The following MARCHF10 variants were observed in gnomAD, a reference collection of about 807,000 sequenced individuals.
MARCHF10 encodes probable E3 ubiquitin-protein ligase MARCHF10.
In MARCHF10, 64 loss-of-function variants were observed where a neutral mutation model predicts 76.2. The ratio of observed to expected loss-of-function variants is 0.84; its 90% CI spans 0.69 to 1.03. The LOEUF (loss-of-function observed/expected upper bound fraction) is 1.03. MARCHF10 is among the 50% of genes least tolerant of loss of function. The pLI is 0.00. For synonymous variants in MARCHF10, 340 were observed against 357.5 expected, an observed-to-expected ratio of 0.95 and a Z score of 0.55; for missense variants, 875 against 958.0, an observed-to-expected ratio of 0.91 and a Z score of 1.14.
intron 6 of MARCHF10, among the ~76,000 whole-genome samples, chr17:62,728,201 T>TC (rs1183704012): frequency 6.6e-6 from 1 of 151,694 alleles, no homozygotes; most frequent in Non-Finnish European, 1.5e-5. Context: ...ATTTTAATTT[T>TC]TTTTTTCTTA....
intron 8 of MARCHF10, among the ~76,000 whole-genome samples, chr17:62,718,923 G>C (rs1001007746): frequency 6.6e-6 from 1 of 151,512 alleles, no homozygotes; most frequent in African/African-American, 2.4e-5. Context: ...CTGTAATGCT[G>C]CTGTGGCATT....
At chr17:62,732,547 T>G (rs1037692509) in intron 6 of MARCHF10, among the ~76,000 whole-genome samples, 3 of 152,200 alleles carry the variant, frequency 2.0e-5, no homozygotes, top group Non-Finnish European at 4.4e-5. Context: ...CATCACAGAT[T>G]AAGAACCACT....
At chr17:62,734,458 C>A (rs72842199) in intron 6 of MARCHF10, among the ~76,000 whole-genome samples, 1 of 151,842 alleles carries the variant, frequency 6.6e-6, no homozygotes, top group East Asian at 1.9e-4. Context: ...CTGAAGTGTA[C>A]GTATGTCATG....
At chr17:62,758,465 T>C (rs2092108745) in intron 4 of MARCHF10, among the ~76,000 whole-genome samples, 1 of 152,206 alleles carries the variant, frequency 6.6e-6, no homozygotes, top group South Asian at 2.1e-4. Flanking sequence ...TTTTGAAATA[T>C]TGGTGGAATG....
In MARCHF10 at chr17:62,737,065, G is replaced by A. The variant is rs2091302367; in HGVS notation, c.803C>T (p.Ser268Leu). Residue 268 changes from serine (S) to leucine (L), a missense_variant, in exon 6 of 11, where the codon TCA becomes TTA. Physicochemically the swap from Ser to Leu is moderately radical, Grantham distance 145 (BLOSUM62 -2). Transcript: ENST00000311269. Reference protein sequence around the residue: ...PTTVGGPRKASFRFRDEDFYS... With the variant: ...PTTVGGPRKALFRFRDEDFYS... The stretch of plus-strand genomic sequence containing the variant: ...AAAGTCTTCATCTCGGAACCTAAAT[G>A]ATGCCTTTCTTGGCCCTCCTACAGT... 4.3e-6 allele frequency: 7 copies of A among 1,614,086 alleles called. No individual in the cohort carries two copies. Among genetic ancestry groups the A allele is most frequent in the Non-Finnish European group, 5.9e-6 (7 of 1,180,030 alleles).
Position 62,712,112 on chromosome 17 carries a change from C to G in MARCHF10, c.2215-768G>C, listed in dbSNP as rs1409002188. ...GACCTTTCACAGACCTTCCATAAAT[C>G]AGTGGTATTAGTAACAACTACTCCT... On this transcript the variant is annotated intron_variant, in intron 8 of 10. Coordinates refer to ENST00000311269, the MANE Select transcript of MARCHF10 (RefSeq NM_152598.4). This position sits in a 1 kb window ranked among gnomAD's most constrained non-coding sequence, Gnocchi z 4.2. Among the ~76,000 whole-genome samples, 1 of 152,178 alleles carries G rather than the reference C, an allele frequency of 6.6e-6. No homozygotes were observed. The highest frequency in any genetic ancestry group is 1.5e-5 in the Non-Finnish European group (1 of 68,034).
chr17:62,738,423 C>T lies in MARCHF10; in HGVS notation c.536-1091G>A, dbSNP rs2091378421. Among the ~76,000 whole-genome samples the T allele has an allele frequency of 6.6e-6, 1 of 152,300 alleles. No homozygotes were observed. The highest frequency in any genetic ancestry group is 1.5e-5 in the Non-Finnish European group (1 of 68,040). ...GGAAACTGACAGTACTTCTCTGATG[C>T]CACTTACCTTTATTCCCTCCTGACA... On this transcript the variant is annotated intron_variant, in intron 5 of 10. Coordinates refer to ENST00000311269, the MANE Select transcript of MARCHF10 (RefSeq NM_152598.4). This position sits in a 1 kb window ranked among gnomAD's most constrained non-coding sequence, Gnocchi z 4.0.
chr17:62,741,760 T>C (rs1252904930), intron 5 of MARCHF10, among the ~76,000 whole-genome samples: 1 of 152,170 alleles, frequency 6.6e-6, no homozygotes, highest in Non-Finnish European at 1.5e-5. Flanking sequence ...GCAGTGGTTA[T>C]CTTGGCTCAC....
intron 1 of MARCHF10, among the ~76,000 whole-genome samples, chr17:62,804,309 C>T (rs2093128265): frequency 6.6e-6 from 1 of 152,006 alleles, no homozygotes; most frequent in African/African-American, 2.4e-5. Context: ...CGGAGAGGTA[C>T]AGATTTGGGC....
intron 2 of MARCHF10, among the ~76,000 whole-genome samples, chr17:62,793,912 T>TCAC (rs375579362): frequency 4.0e-5 from 4 of 100,796 alleles, no homozygotes; most frequent in East Asian, 3.6e-4. Flanking sequence ...ACCTCCATCA[T>TCAC]CACCACCACC....
At chr17:62,702,934 CCT>C (rs1036747973) in intron 10 of MARCHF10, among the ~76,000 whole-genome samples, 36 of 152,324 alleles carry the variant, frequency 2.4e-4, no homozygotes, top group African/African-American at 7.7e-4. Context: ...CACACCCGCC[CCT>C]GTTCCTGCCC....
chr17:62,755,884 C>T (rs573520927), intron 4 of MARCHF10, among the ~76,000 whole-genome samples: 8 of 152,094 alleles, frequency 5.3e-5, no homozygotes, highest in South Asian at 2.1e-4. Context: ...GAGGCCAAGG[C>T]GGGAGGATCA....
chr17:62,789,514 A>AT (rs1221441950), intron 2 of MARCHF10, among the ~76,000 whole-genome samples: 9 of 151,994 alleles, frequency 5.9e-5, no homozygotes, highest in Admixed American at 2.6e-4. Context: ...AATTATACAT[A>AT]TTTTTTTCCT....
At chr17:62,728,675 T>G (rs1308153340) in intron 6 of MARCHF10, among the ~76,000 whole-genome samples, 1 of 152,086 alleles carries the variant, frequency 6.6e-6, no homozygotes, top group Non-Finnish European at 1.5e-5. Context: ...TTCTGGAGAT[T>G]TAAAAAAATG....
At chr17:62,778,949 G>T (rs1398792473) in intron 3 of MARCHF10, among the ~76,000 whole-genome samples, 1 of 152,212 alleles carries the variant, frequency 6.6e-6, no homozygotes, top group Non-Finnish European at 1.5e-5. Flanking sequence ...TGAGGGGCTT[G>T]TGGGACCTGC....
At chr17:62,751,018 AAG>A (rs1218494176) in intron 4 of MARCHF10, among the ~76,000 whole-genome samples, 2 of 152,178 alleles carry the variant, frequency 1.3e-5, no homozygotes, top group African/African-American at 4.8e-5. Flanking sequence ...GCTTGGGAAA[AAG>A]AGAAAGAAAG....
In MARCHF10 at chr17:62,786,621, A is replaced by G. The variant is rs555363132; in HGVS notation, c.210+1859T>C. On this transcript the variant is annotated intron_variant, in intron 3 of 10. Coordinates refer to ENST00000311269, the MANE Select transcript of MARCHF10 (RefSeq NM_152598.4). ...CTGTATTATAGAAGCTATTTCACAT[A>G]ATTACTATTATGTATACAACCATGA... Among the ~76,000 whole-genome samples, 17 of 152,334 alleles carry G rather than the reference A, an allele frequency of 1.1e-4. No individual in the cohort carries two copies. The East Asian group carries it at 3.3e-3, about 29-fold the overall frequency.
chr17:62,778,411 G>A (rs539570875), intron 3 of MARCHF10, among the ~76,000 whole-genome samples: 1 of 152,294 alleles, frequency 6.6e-6, no homozygotes, highest in East Asian at 1.9e-4. Flanking sequence ...TAGCAGCCTG[G>A]AAGACTGCCT....
chr17:62,715,058 C>G (rs1360335439), intron 8 of MARCHF10, among the ~76,000 whole-genome samples: 1 of 152,186 alleles, frequency 6.6e-6, no homozygotes, highest in East Asian at 1.9e-4. Context: ...CACTGCTCCT[C>G]CTTTCCTCCC....
Sources: allele counts gnomAD v4.1 joint callset (sites outside exome capture counted in the v4.1 genomes callset), GRCh38; gene constraint gnomAD v4.1.1; non-coding constraint Gnocchi (gnomAD v3.1); transcripts MANE v1.5; gene names NCBI Gene and HGNC (gene_info 2026-07-23, HGNC 2026-07-21).